The following BNC2 variants were observed in gnomAD, a reference collection of about 807,000 sequenced individuals.
BNC2 encodes basonuclin zinc finger protein 2.
BNC2 carries 20 observed loss-of-function variants against 76.3 expected under a neutral mutation model. The observed-to-expected ratio is 0.26, with a 90% CI of 0.18 to 0.38. The LOEUF is 0.38. BNC2 is among the 10% of genes least tolerant of loss of function. The pLI, the probability that BNC2 is intolerant of heterozygous loss-of-function variation, is 1.00. For missense variants in BNC2, 1,382 were observed against 1,399.8 expected, an observed-to-expected ratio of 0.99 and a Z score of 0.20; for synonymous variants, 582 against 514.8, an observed-to-expected ratio of 1.13 and a Z score of -1.77.
intron 3 of BNC2, among the ~76,000 whole-genome samples, chr9:16,617,199 T>C (rs1014072835): frequency 1.3e-5 from 2 of 152,118 alleles, no homozygotes; most frequent in African/African-American, 4.8e-5. Context: ...GCAATCAAAA[T>C]GAGGTACTTC....
At chr9:16,800,862 C>G (rs1817763474) in intron 1 of BNC2, among the ~76,000 whole-genome samples, 1 of 152,092 alleles carries the variant, frequency 6.6e-6, no homozygotes, top group Admixed American at 6.5e-5. Context: ...AGATAGTTGT[C>G]TTTCTCTCCT....
chr9:16,739,390 C>T (rs939541260), intron 1 of BNC2, among the ~76,000 whole-genome samples: 7 of 152,122 alleles, frequency 4.6e-5, no homozygotes, highest in East Asian at 1.9e-4. Flanking sequence ...TAAAATAGGC[C>T]GGGCATGGTG....
intron 2 of BNC2, among the ~76,000 whole-genome samples, chr9:16,735,566 G>A (rs944528436): frequency 1.3e-5 from 2 of 152,016 alleles, no homozygotes; most frequent in African/African-American, 2.4e-5. Flanking sequence ...CCGTGATCTC[G>A]GGTTACTGCA....
At chr9:16,691,344 C>T (rs971543124) in intron 3 of BNC2, among the ~76,000 whole-genome samples, 1 of 152,100 alleles carries the variant, frequency 6.6e-6, no homozygotes, top group Non-Finnish European at 1.5e-5. Flanking sequence ...GAAATTAAGA[C>T]AAAGTTCTCT....
At chr9:16,799,953 G>A (rs776730544) in intron 1 of BNC2, among the ~76,000 whole-genome samples, 7 of 151,978 alleles carry the variant, frequency 4.6e-5, no homozygotes, top group Non-Finnish European at 7.4e-5. Flanking sequence ...GGCCGGGCGC[G>A]GTGGCTCATG....
At chr9:16,801,377 C>G (rs943726851) in intron 1 of BNC2, among the ~76,000 whole-genome samples, 1 of 151,600 alleles carries the variant, frequency 6.6e-6, no homozygotes, top group Admixed American at 6.6e-5. Context: ...TGCCGAGTAG[C>G]TGGGACGTGC....
At chr9:16,699,110 G>GTTCTGT (rs1470627911) in intron 3 of BNC2, 2 of 446,036 alleles carry the variant, frequency 4.5e-6, no homozygotes, top group Admixed American at 5.2e-5. Flanking sequence ...TGTTGTTGCT[G>GTTCTGT]TTCTGTTTTT....
At position 16,638,258 on chromosome 9, in the gene BNC2, T is replaced by A. The variant is rs141155284; in HGVS notation, c.331-55173A>T. 2.6e-3 allele frequency among the ~76,000 whole-genome samples: 403 copies of A among 152,266 alleles called. 2 individuals carry two copies. The highest frequency in any genetic ancestry group is 9.3e-3 in the African/African-American group (386 of 41,558). ...ATTTCCTATCTCATCTGAAACCAAG[T>A]GCATAGACATAAAAATGTTGAAAAT... On this transcript the variant is annotated intron_variant, in intron 3 of 6. Transcript: ENST00000380672.
chr9:16,603,225 T>C (rs1412187012), intron 3 of BNC2, among the ~76,000 whole-genome samples: 2 of 152,188 alleles, frequency 1.3e-5, no homozygotes, highest in Non-Finnish European at 2.9e-5. Flanking sequence ...AGCAGATAAG[T>C]CAGGGCCAAA....
At chr9:16,772,312 G>A (rs1456509307) in intron 1 of BNC2, among the ~76,000 whole-genome samples, 1 of 152,090 alleles carries the variant, frequency 6.6e-6, no homozygotes, top group Non-Finnish European at 1.5e-5. Flanking sequence ...AGGGGCAAGT[G>A]AATTATTAGA....
chr9:16,751,650 G>GTA (rs371502097), intron 1 of BNC2, among the ~76,000 whole-genome samples: 9 of 28,770 alleles, frequency 3.1e-4, no homozygotes, highest in Admixed American at 7.9e-4. Flanking sequence ...ATGTATGTGT[G>GTA]TATATATATA....
intron 3 of BNC2, among the ~76,000 whole-genome samples, chr9:16,645,948 T>G (rs545613129): frequency 6.6e-6 from 1 of 152,212 alleles, no homozygotes. Flanking sequence ...CAGGATACAT[T>G]ATCGAAAATA....
chr9:16,695,180 A>G (rs1823300843), intron 3 of BNC2, among the ~76,000 whole-genome samples: 1 of 152,228 alleles, frequency 6.6e-6, no homozygotes, highest in African/African-American at 2.4e-5. Flanking sequence ...GGTAAAATAC[A>G]TGAGAGTTTC....
chr9:16,640,229 T>C (rs192501175), intron 3 of BNC2, among the ~76,000 whole-genome samples: 53 of 152,124 alleles, frequency 3.5e-4, no homozygotes, highest in African/African-American at 1.2e-3. Flanking sequence ...AGTAATAAAA[T>C]AAGTGCATTG....
At chr9:16,421,221 C>G in intron 6 of BNC2, 2 of 1,272,014 alleles carry the variant, frequency 1.6e-6, no homozygotes, top group South Asian at 2.5e-5. Flanking sequence ...GGGCAGAGGG[C>G]AGCAGCCCTC....
intron 1 of BNC2, among the ~76,000 whole-genome samples, chr9:16,786,311 G>T (rs1826292220): frequency 6.6e-6 from 1 of 152,094 alleles, no homozygotes; most frequent in African/African-American, 2.4e-5. Flanking sequence ...TGTGGAGAAA[G>T]ACTGAGCCAT....
intron 6 of BNC2, among the ~76,000 whole-genome samples, chr9:16,431,110 G>A (rs569351574): frequency 6.6e-6 from 1 of 152,236 alleles, no homozygotes; most frequent in East Asian, 1.9e-4. Context: ...AAGAGACAAT[G>A]ACTTCTTACT....
intron 5 of BNC2, among the ~76,000 whole-genome samples, chr9:16,535,302 T>G (rs1818097000): frequency 6.6e-6 from 1 of 152,190 alleles, no homozygotes; most frequent in African/African-American, 2.4e-5. Context: ...AAAAAAGGAA[T>G]TTCATAGATT....
rs527261277 is a variant in BNC2 at position 16,496,823 on chromosome 9, T to C, written c.669+55707A>G. Among the ~76,000 whole-genome samples, 7 of 152,218 alleles carry C rather than the reference T, an allele frequency of 4.6e-5. 1 individual carries two copies. Among genetic ancestry groups the C allele is most frequent in the Non-Finnish European group, 1.0e-4 (7 of 68,038 alleles). ...AGAAAACCTTATTCAAATATGTCTATTCAAGCCGATGCTGTATTTACCAGA... is the reference window on the plus strand; with the variant it reads ...AGAAAACCTTATTCAAATATGTCTACTCAAGCCGATGCTGTATTTACCAGA... On this transcript the variant is annotated intron_variant, in intron 5 of 6. Transcript: ENST00000380672.
Sources: gnomAD v4.1 joint callset for allele counts (sites outside exome capture counted in the v4.1 genomes callset) on GRCh38, gnomAD v4.1.1 for gene constraint, MANE v1.5 for transcripts, NCBI Gene and HGNC (gene_info 2026-07-23, HGNC 2026-07-21) for gene names.